The following SLC24A3 variants were observed in gnomAD, a reference collection of about 807,000 sequenced individuals.
SLC24A3 encodes sodium/potassium/calcium exchanger 3.
Under a neutral mutation model 75.8 loss-of-function variants are expected in SLC24A3, and 28 were observed. The observed-to-expected ratio is 0.37, with a 90% CI of 0.27 to 0.51. The LOEUF is 0.51. Among genes scored for constraint, SLC24A3 ranks in the 20% least tolerant of loss-of-function variants. The pLI is 0.94. For missense variants in SLC24A3, 663 were observed against 847.8 expected, an observed-to-expected ratio of 0.78 and a Z score of 2.71; for synonymous variants, 372 against 334.1, an observed-to-expected ratio of 1.11 and a Z score of -1.24.
chr20:19,526,534 C>T (rs1203857422), intron 3 of SLC24A3, among the ~76,000 whole-genome samples: 1 of 152,154 alleles, frequency 6.6e-6, no homozygotes, highest in Non-Finnish European at 1.5e-5. Flanking sequence ...TCTAATTGAC[C>T]TTCCTGGATT....
intron 2 of SLC24A3, among the ~76,000 whole-genome samples, chr20:19,356,428 A>G (rs1228103208): frequency 1.3e-5 from 2 of 152,204 alleles, no homozygotes; most frequent in Non-Finnish European, 2.9e-5. Flanking sequence ...CTTTGAGTGA[A>G]TGAGATTGTG....
intron 4 of SLC24A3, among the ~76,000 whole-genome samples, chr20:19,580,674 A>G (rs546341500): frequency 6.6e-6 from 1 of 152,356 alleles, no homozygotes; most frequent in East Asian, 1.9e-4. Flanking sequence ...CAGCAGATCT[A>G]GAACTCTTTC....
At chr20:19,365,060 G>C (rs1200890234) in intron 2 of SLC24A3, among the ~76,000 whole-genome samples, 1 of 152,020 alleles carries the variant, frequency 6.6e-6, no homozygotes, top group East Asian at 1.9e-4. Context: ...CCTCCCCATG[G>C]CTACTCCATA....
At position 19,256,125 on chromosome 20, in the gene SLC24A3, G is replaced by A. The variant is rs973881725; in HGVS notation, c.143-24834G>A. Among the ~76,000 whole-genome samples, 3 of 142,628 alleles carry A rather than the reference G, an allele frequency of 2.1e-5. No homozygotes were observed. In the South Asian group the frequency reaches 6.5e-4, roughly 31 times the overall value. 93.6% of individuals were successfully genotyped at this position (142,628 alleles called of 152,430 possible). On this transcript the variant is annotated intron_variant, in intron 1 of 16. Transcript: ENST00000328041. ...AATAATAATAATAATAATAATAATA[G>A]TAATTTTTTATCTACACAGTAGCAA...
intron 9 of SLC24A3, among the ~76,000 whole-genome samples, chr20:19,680,140 C>G (rs959349418): frequency 6.2e-5 from 9 of 144,968 alleles, no homozygotes; most frequent in South Asian, 2.2e-4. Flanking sequence ...CTGTGTGTGT[C>G]TCTGTGTGTG....
chr20:19,679,514 C>G (rs962963242), intron 9 of SLC24A3, among the ~76,000 whole-genome samples: 1 of 141,618 alleles, frequency 7.1e-6, no homozygotes, highest in Non-Finnish European at 1.5e-5. Flanking sequence ...AGAGGGAGAC[C>G]GTGGGGAGAG....
intron 1 of SLC24A3, among the ~76,000 whole-genome samples, chr20:19,276,135 C>G (rs1983479587): frequency 6.6e-6 from 1 of 152,126 alleles, no homozygotes; most frequent in African/African-American, 2.4e-5. Context: ...TCTCCGTATC[C>G]CCTTCACCTT....
intron 3 of SLC24A3, among the ~76,000 whole-genome samples, chr20:19,571,815 G>A (rs1468587985): frequency 6.6e-6 from 1 of 152,202 alleles, no homozygotes; most frequent in Non-Finnish European, 1.5e-5. Context: ...AGGCTCCCAT[G>A]TACCTTAGGA....
intron 3 of SLC24A3, among the ~76,000 whole-genome samples, chr20:19,560,110 T>TTGATCCCCAGGAG (rs2030851325): frequency 6.6e-6 from 1 of 152,102 alleles, no homozygotes; most frequent in Non-Finnish European, 1.5e-5. Flanking sequence ...GGTAGTTTAT[T>TTGATCCCCAGGAG]TGATCCCCAG....
chr20:19,517,228 G>A (rs945044135), intron 3 of SLC24A3, among the ~76,000 whole-genome samples: 29 of 152,150 alleles, frequency 1.9e-4, no homozygotes, highest in Non-Finnish European at 2.8e-4. Flanking sequence ...AGTTGGATCC[G>A]GAATTCCCTG....
chr20:19,297,303 G>A (rs1984085112), intron 2 of SLC24A3, among the ~76,000 whole-genome samples: 1 of 152,120 alleles, frequency 6.6e-6, no homozygotes, highest in Admixed American at 6.6e-5. Context: ...CGCATGATGT[G>A]CACAAGTTTT....
chr20:19,332,387 T>C (rs962313976), intron 2 of SLC24A3, among the ~76,000 whole-genome samples: 1 of 152,030 alleles, frequency 6.6e-6, no homozygotes, highest in Non-Finnish European at 1.5e-5. Context: ...CTCACCCTCA[T>C]GGGGTTGATG....
At chr20:19,447,250 C>A (rs1173594397) in intron 2 of SLC24A3, among the ~76,000 whole-genome samples, 1 of 152,070 alleles carries the variant, frequency 6.6e-6, no homozygotes, top group East Asian at 1.9e-4. Flanking sequence ...AGAAAATGGC[C>A]AATGTAGTCA....
chr20:19,389,113 A>G (rs1986324084), intron 2 of SLC24A3, among the ~76,000 whole-genome samples: 2 of 152,096 alleles, frequency 1.3e-5, no homozygotes, highest in African/African-American at 4.8e-5. Flanking sequence ...AAAACTCTCC[A>G]TTTTAACTTC....
chr20:19,307,090 C>A (rs1324834205), intron 2 of SLC24A3, among the ~76,000 whole-genome samples: 1 of 152,078 alleles, frequency 6.6e-6, no homozygotes, highest in East Asian at 1.9e-4. Flanking sequence ...ACTGAAACAG[C>A]AATGAACTGG....
chr20:19,325,602 G>A (rs942782952), intron 2 of SLC24A3, among the ~76,000 whole-genome samples: 6 of 151,618 alleles, frequency 4.0e-5, no homozygotes, highest in South Asian at 2.1e-4. Context: ...GCAGCTACCA[G>A]GGCCCTAGGA....
At chr20:19,246,935 A>G (rs2122173417) in intron 1 of SLC24A3, among the ~76,000 whole-genome samples, 1 of 152,274 alleles carries the variant, frequency 6.6e-6, no homozygotes, top group Middle Eastern at 3.4e-3. Flanking sequence ...AAATAATAAA[A>G]GCATTTCCTT....
intron 2 of SLC24A3, among the ~76,000 whole-genome samples, chr20:19,468,835 G>A (rs1012022848): frequency 4.6e-5 from 7 of 152,178 alleles, no homozygotes; most frequent in African/African-American, 1.4e-4. Flanking sequence ...GAGGGGCAAG[G>A]AGGTGAGTGT....
At chr20:19,283,521 A>G (rs1232793477) in intron 2 of SLC24A3, among the ~76,000 whole-genome samples, 1 of 152,216 alleles carries the variant, frequency 6.6e-6, no homozygotes, top group Non-Finnish European at 1.5e-5. Flanking sequence ...TCACAGAAAG[A>G]GCTATTGGAC....
Sources: gnomAD v4.1 joint callset for allele counts (sites outside exome capture counted in the v4.1 genomes callset) on GRCh38, gnomAD v4.1.1 for gene constraint, MANE v1.5 for transcripts, NCBI Gene and HGNC (gene_info 2026-07-23, HGNC 2026-07-21) for gene names.